The following CACNA2D3 variants were observed in gnomAD, a reference collection of about 807,000 sequenced individuals.
CACNA2D3 encodes the protein calcium voltage-gated channel auxiliary subunit alpha2delta 3.
CACNA2D3 carries 60 observed loss-of-function variants against 160.6 expected under a neutral mutation model. The ratio of observed to expected loss-of-function variants is 0.37; its 90% CI spans 0.30 to 0.46. CACNA2D3 has a LOEUF of 0.46. Ranked by LOEUF, CACNA2D3 falls within the 20% of genes least tolerant of loss-of-function variation. CACNA2D3 has a pLI of 1.00. For missense variants in CACNA2D3, 1,205 were observed against 1,365.0 expected (o/e 0.88, Z 1.85); for synonymous variants, 558 against 492.9 (o/e 1.13, Z -1.75).
chr3:54,777,829 T>A (rs1190387478), intron 13 of CACNA2D3, among the ~76,000 whole-genome samples: 1 of 152,226 alleles, frequency 6.6e-6, no homozygotes, highest in African/African-American at 2.4e-5. Context: ...ACACACCTTA[T>A]AAGTGCAGGG....
At chr3:54,249,360 T>C (rs1702137793) in intron 2 of CACNA2D3, among the ~76,000 whole-genome samples, 2 of 152,134 alleles carry the variant, frequency 1.3e-5, no homozygotes, top group South Asian at 4.1e-4. Context: ...TGGGTGGGCC[T>C]TGTCTAATCC....
intron 11 of CACNA2D3, among the ~76,000 whole-genome samples, chr3:54,659,906 C>G (rs930092981): frequency 6.6e-5 from 10 of 152,080 alleles, no homozygotes; most frequent in African/African-American, 2.4e-4. Flanking sequence ...GGAAGAAGAT[C>G]AGAACAAGCA....
chr3:54,618,374 T>TATATATATATATATACACAC, intron 9 of CACNA2D3, among the ~76,000 whole-genome samples: 1 of 54,586 alleles, frequency 1.8e-5, no homozygotes, highest in African/African-American at 1.1e-4. Flanking sequence ...TATATATATA[T>TATATATATATATATACACAC]GCACACACAC....
chr3:54,556,399 C>T (rs559102571), intron 5 of CACNA2D3, among the ~76,000 whole-genome samples: 15 of 152,146 alleles, frequency 9.9e-5, no homozygotes, highest in South Asian at 8.3e-4. Context: ...GTATCAAGGA[C>T]GGCAGGCGAG....
intron 11 of CACNA2D3, among the ~76,000 whole-genome samples, chr3:54,738,736 G>C (rs1274202269): frequency 1.3e-5 from 2 of 152,146 alleles, no homozygotes. Context: ...GCTCTTTGAA[G>C]ACAAGAATGA....
intron 9 of CACNA2D3, among the ~76,000 whole-genome samples, chr3:54,620,796 T>C (rs1198821792): frequency 4.6e-5 from 7 of 152,224 alleles, no homozygotes; most frequent in African/African-American, 9.6e-5. Flanking sequence ...AAACCCACTC[T>C]GCTGTCTTGA....
chr3:54,706,400 G>A (rs1322537242), intron 11 of CACNA2D3, among the ~76,000 whole-genome samples: 1 of 152,194 alleles, frequency 6.6e-6, no homozygotes, highest in African/African-American at 2.4e-5. Flanking sequence ...GCCAATGCTT[G>A]CCTAGGGTTA....
At chr3:54,899,910 C>T (rs1383149063) in intron 27 of CACNA2D3, 42 bp downstream of exon 27, 15 of 1,410,318 alleles carry the variant, frequency 1.1e-5, no homozygotes, top group South Asian at 4.9e-5. Flanking sequence ...GTAAGCATGG[C>T]GCCCATTCAT....
chr3:54,168,026 A>G (rs961895057), intron 2 of CACNA2D3, among the ~76,000 whole-genome samples: 1 of 152,098 alleles, frequency 6.6e-6, no homozygotes, highest in Non-Finnish European at 1.5e-5. Flanking sequence ...TGCCCTAAGC[A>G]CTTTCCTTCA....
intron 3 of CACNA2D3, among the ~76,000 whole-genome samples, chr3:54,330,621 C>G (rs1704226951): frequency 6.6e-6 from 1 of 152,176 alleles, no homozygotes; most frequent in South Asian, 2.1e-4. Flanking sequence ...GACTTTTAAC[C>G]AGCCATGAAT....
chr3:55,058,083 C>T (rs1704410007), intron 35 of CACNA2D3, among the ~76,000 whole-genome samples: 1 of 152,152 alleles, frequency 6.6e-6, no homozygotes, highest in African/African-American at 2.4e-5. Context: ...AAACGTCTTC[C>T]TGGCTATAGG....
chr3:54,896,925 A>G (rs1700203969), intron 26 of CACNA2D3, 55 bp downstream of exon 26: 1 of 1,611,538 alleles, frequency 6.2e-7, no homozygotes, highest in African/African-American at 1.3e-5. Context: ...GGGTCTGGGC[A>G]TTGTGTGCAG....
chr3:54,672,778 C>T (rs189500599), intron 11 of CACNA2D3, among the ~76,000 whole-genome samples: 150 of 152,224 alleles, frequency 9.9e-4, no homozygotes, highest in East Asian at 4.1e-3. Context: ...TAGGAATGGT[C>T]GTGTTCACTC....
chr3:54,575,492 T>G (rs1702565306), intron 8 of CACNA2D3, among the ~76,000 whole-genome samples: 2 of 152,234 alleles, frequency 1.3e-5, no homozygotes, highest in South Asian at 4.1e-4. Context: ...TGTTTCTTTG[T>G]TCTATCGATT....
intron 12 of CACNA2D3, among the ~76,000 whole-genome samples, chr3:54,760,060 C>G (rs997183263): frequency 4.6e-5 from 7 of 152,188 alleles, no homozygotes; most frequent in African/African-American, 1.7e-4. Flanking sequence ...CCTCCCTGTT[C>G]TTGGAATATT....
chr3:54,144,772 T>G (rs192629834), intron 2 of CACNA2D3, among the ~76,000 whole-genome samples: 1 of 152,334 alleles, frequency 6.6e-6, no homozygotes, highest in Admixed American at 6.5e-5. Flanking sequence ...ATTATGAGGA[T>G]TAAGTGAAAT....
At chr3:54,763,660 T>C (rs1416960510) in intron 12 of CACNA2D3, among the ~76,000 whole-genome samples, 1 of 146,284 alleles carries the variant, frequency 6.8e-6, no homozygotes, top group African/African-American at 2.5e-5. Flanking sequence ...TATATGTGTG[T>C]GTGTGTGTGT....
intron 11 of CACNA2D3, among the ~76,000 whole-genome samples, chr3:54,728,961 C>G (rs1701330506): frequency 6.6e-6 from 1 of 152,174 alleles, no homozygotes; most frequent in East Asian, 1.9e-4. Context: ...TAGTCATTAT[C>G]AAATACATTA....
At chr3:54,151,175 G>A (rs9311526) in intron 2 of CACNA2D3, among the ~76,000 whole-genome samples, 99,932 of 151,706 alleles carry the variant, frequency 0.66, 33,209 homozygotes, top group Middle Eastern at 0.72. Flanking sequence ...GGGTTAATGG[G>A]TGGATGGGTG....
Sources: allele counts gnomAD v4.1 joint callset (sites outside exome capture counted in the v4.1 genomes callset), GRCh38; gene constraint gnomAD v4.1.1; transcripts MANE v1.5; gene names NCBI Gene and HGNC (gene_info 2026-07-23, HGNC 2026-07-21).